The following ZSWIM8 variants were observed in gnomAD, a reference collection of about 807,000 sequenced individuals.
ZSWIM8 encodes the protein zinc finger SWIM-type containing 8, also known as zinc finger SWIM domain-containing protein 8.
Under a neutral mutation model 173.7 loss-of-function variants are expected in ZSWIM8, and 27 were observed. The observed-to-expected ratio is 0.16, with a 90% CI of 0.11 to 0.21. The LOEUF (loss-of-function observed/expected upper bound fraction) is 0.21. ZSWIM8 is among the 10% of genes least tolerant of loss of function. The pLI, the probability that ZSWIM8 is intolerant of heterozygous loss-of-function variation, is 1.00. For missense variants in ZSWIM8, 1,627 were observed against 2,428.8 expected, an observed-to-expected ratio of 0.67 and a Z score of 6.94; for synonymous variants, 958 against 962.0, an observed-to-expected ratio of 1.00 and a Z score of 0.08.
Position 73,786,043 on chromosome 10 carries a change from TGGCGGCGGTGGCGGA to T in ZSWIM8, c.168_182del (p.Gly58_Gly62del), listed in dbSNP as rs1204524960. 1 of 1,594,578 alleles carries T rather than the reference TGGCGGCGGTGGCGGA, an allele frequency of 6.3e-7. No individual in the cohort carries two copies. The highest frequency in any genetic ancestry group is 8.5e-7 in the Non-Finnish European group (1 of 1,169,668). ...AGTCAGCGGGGCCCAATTCCCCCAC[TGGCGGCGGTGGCGGA>T]GGTGGCAGTGGCGGTACCAGAATGC... On this transcript the variant is annotated inframe_deletion, in exon 1 of 26. Transcript: ENST00000604729.
chr10:73,792,227 C>A lies in ZSWIM8; in HGVS notation c.1688C>A (p.Pro563His), dbSNP rs1270232413. 6.4e-7 allele frequency: 1 copy of A among 1,555,652 alleles called. No individual in the cohort carries two copies. Among genetic ancestry groups the A allele is most frequent in the Non-Finnish European group, 8.7e-7 (1 of 1,150,322 alleles). Residue 563 changes from proline (P) to histidine (H), a missense_variant, in exon 10 of 26, where the codon CCC becomes CAC. Around this residue, in one of 18 missense-constraint regions of ZSWIM8, gnomAD observed 383 missense variants for 394.8 expected, o/e 0.97. Coordinates refer to ENST00000604729, the MANE Select transcript of ZSWIM8 (RefSeq NM_001367799.1). This position sits in a 1 kb window ranked among gnomAD's most constrained non-coding sequence, Gnocchi z 4.3. Reference protein sequence around the residue: ...GEGVPSSQRGPRRLSAEGGDK... With the variant: ...GEGVPSSQRGHRRLSAEGGDK... Reference sequence around the variant, plus strand: ...GGGGTCCCCTCATCACAGCGGGGTCCCCGCCGCCTCTCAGCTGAAGGGGGA... The same window carrying A: ...GGGGTCCCCTCATCACAGCGGGGTCACCGCCGCCTCTCAGCTGAAGGGGGA...
intron 21 of ZSWIM8, chr10:73,799,773 A>T: frequency 1.6e-6 from 1 of 628,714 alleles, no homozygotes; most frequent in Admixed American, 3.0e-5. Flanking sequence ...TCTACTAAAA[A>T]TTAGCTGAGT....
rs768201201 is a variant in ZSWIM8, at chr10:73,789,163, C to A, written c.430C>A (p.Arg144=). 15 of 1,613,884 alleles carry A rather than the reference C, an allele frequency of 9.3e-6. No homozygotes were observed. The African/African-American group carries it at 1.2e-4, about 13-fold the overall frequency. ...GCGAGGGGATCAGCTCTTCCGCATG[C>A]GGGCTGTGAAGGACCCATTGCAGAT... ...FQRGDQLFRM[R]AVKDPLQIGF... Residue 144 remains arginine, a synonymous_variant, in exon 3 of 26, where the codon CGG becomes AGG. Coordinates refer to ENST00000604729, the MANE Select transcript of ZSWIM8 (RefSeq NM_001367799.1). The surrounding 1 kb of genome is among the most constrained non-coding windows in gnomAD (Gnocchi z 6.8).
At position 73,789,409 on chromosome 10, in the gene ZSWIM8, C is replaced by T; in HGVS notation, c.500C>T (p.Pro167Leu). Reference sequence around the variant, plus strand: ...ACAGTGGTGCCACCTCAGATGGTCCCTCCTAAAGGGGCCTACAACGTGGCT... The same window carrying T: ...ACAGTGGTGCCACCTCAGATGGTCCTTCCTAAAGGGGCCTACAACGTGGCT... ...SATVVPPQMV[P>L]PKGAYNVAVM... Residue 167 changes from proline to leucine, a missense_variant, in exon 4 of 26, where the codon CCT (proline) becomes CTT (leucine). Physicochemically the swap from Pro to Leu is moderately conservative, Grantham distance 98 (BLOSUM62 -3). Transcript: ENST00000604729. This position sits in a 1 kb window ranked among gnomAD's most constrained non-coding sequence, Gnocchi z 6.8. The T allele has an allele frequency of 6.3e-7, 1 of 1,583,972 alleles. No individual in the cohort carries two copies. The highest frequency in any genetic ancestry group is 8.6e-7 in the Non-Finnish European group (1 of 1,165,072).
At position 73,794,575 on chromosome 10, in the gene ZSWIM8, C is replaced by G. The variant is rs1207925213; in HGVS notation, c.2844C>G (p.Arg948=). The change falls in exon 14 of 26, where the codon CGC becomes CGG. Residue 948 remains arginine, a synonymous_variant. Transcript: ENST00000604729. ...VSPTGSRPPS[R]NWNSETPGDE... is the part of the protein sequence containing the mutation. Reference sequence around the variant, plus strand: ...CCACAGGTTCCCGGCCCCCAAGTCGCAACTGGAACAGCGAGACACCTGGGG... The same window carrying G: ...CCACAGGTTCCCGGCCCCCAAGTCGGAACTGGAACAGCGAGACACCTGGGG... 1 of 1,560,590 alleles carries G rather than the reference C, an allele frequency of 6.4e-7. No homozygotes were observed. Among genetic ancestry groups the G allele is most frequent in the Non-Finnish European group, 8.7e-7 (1 of 1,151,484 alleles).
intron 21 of ZSWIM8, 71 bp downstream of exon 21, chr10:73,799,561 T>C: frequency 6.4e-7 from 1 of 1,553,110 alleles, no homozygotes; most frequent in South Asian, 1.2e-5. Flanking sequence ...TTGGAGTGGG[T>C]ACTCTGGGAG....
Position 73,789,731 on chromosome 10 carries a change from C to T in ZSWIM8, c.645C>T (p.Cys215=), listed in dbSNP as rs777424991. The change falls in exon 5 of 26, where the codon TGC becomes TGT. Residue 215 remains cysteine (C), a synonymous_variant. Coordinates refer to ENST00000604729, the MANE Select transcript of ZSWIM8 (RefSeq NM_001367799.1). This position sits in a 1 kb window ranked among gnomAD's most constrained non-coding sequence, Gnocchi z 6.8. ...LFRIHNASAV[C]LRAPVSESLS... is the part of the protein sequence containing the mutation. The stretch of plus-strand genomic sequence containing the variant: ...GTCCCCTTCAGGCTTCTGCAGTCTG[C>T]CTGCGAGCCCCAGTCTCAGAGTCCC... 1.4e-5 allele frequency: 23 copies of T among 1,604,400 alleles called. No individual in the cohort carries two copies. Among genetic ancestry groups the T allele is most frequent in the Non-Finnish European group, 2.0e-5 (23 of 1,175,622 alleles).
At position 73,798,009 on chromosome 10, in the gene ZSWIM8, C is replaced by T. The variant is rs1378057304; in HGVS notation, c.3891C>T (p.His1297=). Residue 1297 remains histidine (H), a synonymous_variant, in exon 19 of 26, where the codon CAC becomes CAT. Transcript: ENST00000604729. The part of the protein sequence containing the change: ...FEIGLYALGL[H]NFVSPNWLSR... ...TTGGGCTTTATGCCCTTGGCCTGCA[C>T]AACTTTGTTTCTCCCAACTGGCTCT... is the stretch of plus-strand genomic sequence containing the variant. 6.2e-6 allele frequency: 10 copies of T among 1,614,062 alleles called. No homozygotes were observed. The highest frequency in any genetic ancestry group is 7.6e-6 in the Non-Finnish European group (9 of 1,179,892).
chr10:73,801,279 TTG>T lies in ZSWIM8; in HGVS notation c.5302-35_5302-34del, dbSNP rs1262166864. On this transcript the variant is annotated intron_variant, in intron 25 of 25. Transcript: ENST00000604729. This position sits in a 1 kb window ranked among gnomAD's most constrained non-coding sequence, Gnocchi z 4.9. ...GGGAGGCAGGGCCTGTTTCTGTGCT[TTG>T]TACTAAGGCTCATCCTGCACACATC... is the stretch of plus-strand genomic sequence containing the variant. 11 of 1,608,718 alleles carry T rather than the reference TTG, an allele frequency of 6.8e-6. No individual in the cohort carries two copies. The highest frequency in any genetic ancestry group is 9.4e-6 in the Non-Finnish European group (11 of 1,176,156).
rs765833748 is a variant in ZSWIM8, at chr10:73,796,849, C to T, written c.3109C>T (p.Arg1037Cys). 2.1e-5 allele frequency: 34 copies of T among 1,613,962 alleles called. No individual in the cohort carries two copies. Among genetic ancestry groups the T allele is most frequent in the African/African-American group, 2.7e-5 (2 of 74,954 alleles). The change falls in exon 16 of 26, where the codon CGC becomes TGC. Residue 1037 changes from arginine to cysteine, a missense_variant. Arg to Cys is a radical substitution (Grantham distance 180, BLOSUM62 -3). Coordinates refer to ENST00000604729, the MANE Select transcript of ZSWIM8 (RefSeq NM_001367799.1). ...GCTGAGTTCTTTCTACTCATCTAGC[C>T]GCCCAACCACAGCCAGCCAGAGGTC... Reference protein sequence around the residue: ...QTLSSFYSSSRPTTASQRSPS... With the variant: ...QTLSSFYSSSCPTTASQRSPS...
Position 73,795,630 on chromosome 10 carries a change from C to T in ZSWIM8, c.3000C>T (p.Ile1000=). The stretch of plus-strand genomic sequence containing the variant: ...GTGACCTGGCATTAGCACTAATGAT[C>T]ACTTACAAGGACGACCAGGCCAAGC... ...EKGDLALALM[I]TYKDDQAKLK... Residue 1000 remains isoleucine, a synonymous_variant, in exon 15 of 26, where the codon ATC becomes ATT. Coordinates refer to ENST00000604729, the MANE Select transcript of ZSWIM8 (RefSeq NM_001367799.1). 6.2e-7 allele frequency: 1 copy of T among 1,613,714 alleles called. No homozygotes were observed. Among genetic ancestry groups the T allele is most frequent in the Non-Finnish European group, 8.5e-7 (1 of 1,179,850 alleles).
At position 73,800,748 on chromosome 10, in the gene ZSWIM8, C is replaced by G; in HGVS notation, c.5111C>G (p.Ala1704Gly). 1 of 1,613,362 alleles carries G rather than the reference C, an allele frequency of 6.2e-7. No individual in the cohort carries two copies. The highest frequency in any genetic ancestry group is 8.5e-7 in the Non-Finnish European group (1 of 1,179,500). The stretch of plus-strand genomic sequence containing the variant: ...GATGTCAAATGGTTGCTGGGGCTGG[C>G]AGCAAAGCTGGGTAACACCTCCCCT... ...TDDVKWLLGL[A>G]AKLGVNYVHQ... The change falls in exon 24 of 26, where the codon GCA (alanine) becomes GGA (glycine). Residue 1704 changes from alanine (A) to glycine (G), a missense_variant. Physicochemically the swap from Ala to Gly is moderately conservative, Grantham distance 60. This residue lies in a region of ZSWIM8 where 122 missense variants were observed against 196.1 expected (regional missense o/e 0.62). Coordinates refer to ENST00000604729, the MANE Select transcript of ZSWIM8 (RefSeq NM_001367799.1). The surrounding 1 kb of genome is among the most constrained non-coding windows in gnomAD (Gnocchi z 4.1).
At chr10:73,786,127 T>A in intron 1 of ZSWIM8, 41 bp downstream of exon 1, 1 of 1,494,122 alleles carries the variant, frequency 6.7e-7, no homozygotes, top group Non-Finnish European at 9.0e-7. Context: ...CAGGCCCTGC[T>A]TGGGCCTCGC....
chr10:73,799,378 C>G lies in ZSWIM8; in HGVS notation c.4553C>G (p.Pro1518Arg). Residue 1518 changes from proline to arginine, a missense_variant, in exon 21 of 26, where the codon CCC becomes CGC. Physicochemically the swap from Pro to Arg is moderately radical, Grantham distance 103. Transcript: ENST00000604729. Reference protein sequence around the residue: ...PGLHPYTALQPHLPCSPQYLT... With the variant: ...PGLHPYTALQRHLPCSPQYLT... The stretch of plus-strand genomic sequence containing the variant: ...CTGCACCCCTACACTGCTCTACAGC[C>G]CCACCTGCCCTGTAGCCCTCAGTAT... 1 of 1,612,032 alleles carries G rather than the reference C, an allele frequency of 6.2e-7. No homozygotes were observed.
In ZSWIM8 at chr10:73,794,061, C is replaced by T; in HGVS notation, c.2625+17C>T. 6.2e-7 allele frequency: 1 copy of T among 1,611,818 alleles called. No homozygotes were observed. The highest frequency in any genetic ancestry group is 8.5e-7 in the Non-Finnish European group (1 of 1,178,864). ...GCCTTGGAGGTCAGAGGCTCCATCT[C>T]AGCCTTGTATTTCAGTCTCTTTAGA... On this transcript the variant is annotated intron_variant, in intron 12 of 25. Coordinates refer to ENST00000604729, the MANE Select transcript of ZSWIM8 (RefSeq NM_001367799.1).
At chr10:73,796,146 T>G (rs1169496222) in intron 15 of ZSWIM8, among the ~76,000 whole-genome samples, 1 of 151,706 alleles carries the variant, frequency 6.6e-6, no homozygotes, top group East Asian at 1.9e-4. Flanking sequence ...GAGGATCGTT[T>G]GAGACCAACC....
At chr10:73,793,744 T>TCCCCCCCC in intron 11 of ZSWIM8, 25 bp downstream of exon 11, 2 of 1,579,192 alleles carry the variant, frequency 1.3e-6, no homozygotes, top group East Asian at 2.3e-5. Context: ...TCCTCTACCT[T>TCCCCCCCC]CCCCTCCCCC....
intron 14 of ZSWIM8, 116 bp downstream of exon 14, chr10:73,794,755 G>C: frequency 1.1e-6 from 1 of 877,606 alleles, no homozygotes; most frequent in Admixed American, 2.5e-5. Context: ...ACATGTGTGA[G>C]CCAACTAGTG....
chr10:73,786,327 G>GGTGTGTGT (rs575266137), intron 1 of ZSWIM8: 2 of 418,200 alleles, frequency 4.8e-6, no homozygotes, highest in East Asian at 3.9e-5. Context: ...TGTGTGTGTG[G>GGTGTGTGT]GTGTGTGTGT....
Sources: allele counts gnomAD v4.1 joint callset (sites outside exome capture counted in the v4.1 genomes callset), GRCh38; gene constraint gnomAD v4.1.1; regional missense constraint gnomAD v4.1.1; non-coding constraint Gnocchi (gnomAD v3.1); transcripts MANE v1.5; gene names NCBI Gene and HGNC (gene_info 2026-07-23, HGNC 2026-07-21).